The following EPS15L1 variants were observed in gnomAD, a reference collection of about 807,000 sequenced individuals.
The protein encoded by EPS15L1 is epidermal growth factor receptor substrate 15-like 1.
EPS15L1 carries 43 observed loss-of-function variants against 117.1 expected under a neutral mutation model. The observed-to-expected ratio is 0.37, with a 90% CI of 0.29 to 0.47. The LOEUF (loss-of-function observed/expected upper bound fraction) is 0.47. EPS15L1 is among the 20% of genes least tolerant of loss of function. The pLI is 0.99. For missense variants in EPS15L1, 981 were observed against 1,164.0 expected, an observed-to-expected ratio of 0.84 and a Z score of 2.29; for synonymous variants, 459 against 470.5, an observed-to-expected ratio of 0.98 and a Z score of 0.32.
intron 22 of EPS15L1, among the ~76,000 whole-genome samples, chr19:16,376,699 C>A (rs2092299969): frequency 6.6e-6 from 1 of 152,248 alleles, no homozygotes; most frequent in Admixed American, 6.5e-5. Context: ...CAGGCCCTCC[C>A]TGAGCACGGA....
Position 16,381,418 on chromosome 19 carries a change from C to T in EPS15L1, c.2247+3711G>A, listed in dbSNP as rs1459760113. 1.3e-5 allele frequency among the ~76,000 whole-genome samples: 2 copies of T among 152,242 alleles called. 1 individual carries two copies. The highest frequency in any genetic ancestry group is 4.1e-4 in the South Asian group (2 of 4,830). ...AGGGCCTCGTCCTGGGCAGACTGTCCTGCCCAGGCTGGAACCCCAACCCTG... is the reference window on the plus strand; with the variant it reads ...AGGGCCTCGTCCTGGGCAGACTGTCTTGCCCAGGCTGGAACCCCAACCCTG... On this transcript the variant is annotated intron_variant, in intron 21 of 23. Transcript: ENST00000455140. The surrounding 1 kb of genome is among the most constrained non-coding windows in gnomAD (Gnocchi z 4.2).
At chr19:16,386,035 C>A (rs966536735) in intron 20 of EPS15L1, 136 bp downstream of exon 20, 2 of 702,580 alleles carry the variant, frequency 2.8e-6, no homozygotes, top group Non-Finnish European at 5.0e-6. Context: ...TGGGCTCAGG[C>A]CAGGATCTGG....
intron 6 of EPS15L1, chr19:16,436,641 A>G (rs1207192711): frequency 3.1e-6 from 1 of 321,116 alleles, no homozygotes; most frequent in African/African-American, 2.1e-5. Flanking sequence ...TGACCTAAAG[A>G]TGCAAGATTT....
At chr19:16,362,757 G>A (rs2092075531) in intron 22 of EPS15L1, among the ~76,000 whole-genome samples, 2 of 151,862 alleles carry the variant, frequency 1.3e-5, no homozygotes, top group Admixed American at 6.6e-5. Context: ...TCATCTGCCC[G>A]CCTCAGCCTC....
chr19:16,424,782 T>G (rs1223531719), intron 9 of EPS15L1, among the ~76,000 whole-genome samples: 1 of 152,012 alleles, frequency 6.6e-6, no homozygotes, highest in Non-Finnish European at 1.5e-5. Context: ...TGCCTCAGCC[T>G]CCCGAGTGGC....
intron 1 of EPS15L1, among the ~76,000 whole-genome samples, chr19:16,455,085 C>T (rs564090603): frequency 2.6e-5 from 4 of 151,854 alleles, no homozygotes; most frequent in African/African-American, 9.7e-5. Context: ...GCCAGGATCA[C>T]ATCATTGCAC....
chr19:16,420,821 C>T (rs1278730717), intron 10 of EPS15L1, among the ~76,000 whole-genome samples: 3 of 152,190 alleles, frequency 2.0e-5, no homozygotes, highest in Non-Finnish European at 2.9e-5. Flanking sequence ...GCCGACTCCT[C>T]GACTGGGCTC....
chr19:16,419,225 G>A (rs1212088586), intron 10 of EPS15L1, among the ~76,000 whole-genome samples: 1 of 152,246 alleles, frequency 6.6e-6, no homozygotes, highest in Non-Finnish European at 1.5e-5. Flanking sequence ...TTTGGGAGCT[G>A]AGGCGGGCAG....
At chr19:16,386,253 A>G in intron 19 of EPS15L1, 22 bp from the exon 20 acceptor site, 2 of 1,600,958 alleles carry the variant, frequency 1.2e-6, no homozygotes, top group Non-Finnish European at 1.7e-6. Flanking sequence ...GAGAGAGGAA[A>G]GAGTAAAAAG....
chr19:16,387,112 T>A (rs2092428237), intron 19 of EPS15L1, among the ~76,000 whole-genome samples: 1 of 152,002 alleles, frequency 6.6e-6, no homozygotes, highest in Admixed American at 6.6e-5. Context: ...AAAAGGAAAA[T>A]ACACTTAAAA....
In EPS15L1 at chr19:16,471,823, T is replaced by C; in HGVS notation, c.33+90A>G. On this transcript the variant is annotated intron_variant, in intron 1 of 23. Transcript: ENST00000455140. This position sits in a 1 kb window ranked among gnomAD's most constrained non-coding sequence, Gnocchi z 4.8. ...AGCACGCGCCGCCCCCGCCGCCGCC[T>C]GGCTGAGTCTCCCAGCGCCTCAGCC... is the stretch of plus-strand genomic sequence containing the variant. 2.4e-6 allele frequency: 1 copy of C among 408,594 alleles called. No individual in the cohort carries two copies. The highest frequency in any genetic ancestry group is 3.5e-6 in the Non-Finnish European group (1 of 286,324). The allele number at this position is 408,594 out of a possible 1,614,324, so 25.3% of individuals were successfully genotyped here.
Position 16,405,850 on chromosome 19 carries a change from CTGTCTT to C in EPS15L1, c.1267-1107_1267-1102del, listed in dbSNP as rs1314246080. Among the ~76,000 whole-genome samples, 1 of 152,246 alleles carries C rather than the reference CTGTCTT, an allele frequency of 6.6e-6. No homozygotes were observed. The highest frequency in any genetic ancestry group is 1.5e-5 in the Non-Finnish European group (1 of 68,052). ...ATTTTCAACCACGCAAATGCATTAT[CTGTCTT>C]TAAGATAAATAACCAAAGCTGAAAT... On this transcript the variant is annotated intron_variant, in intron 13 of 23. Coordinates refer to ENST00000455140, the MANE Select transcript of EPS15L1 (RefSeq NM_001258374.3). This position sits in a 1 kb window ranked among gnomAD's most constrained non-coding sequence, Gnocchi z 4.0.
chr19:16,417,711 C>T (rs543884284), intron 11 of EPS15L1, 74 bp from the exon 12 acceptor site: 11 of 1,340,008 alleles, frequency 8.2e-6, no homozygotes, highest in East Asian at 6.9e-5. Context: ...CAGCAGTTCT[C>T]GGGCCCAGGG....
At chr19:16,413,134 C>T (rs1385484971) in intron 13 of EPS15L1, 8 of 668,214 alleles carry the variant, frequency 1.2e-5, no homozygotes, top group Admixed American at 4.0e-5. Flanking sequence ...TCCAAGGAGG[C>T]GGCCACTGCC....
At chr19:16,400,350 C>CAA (rs2092587015) in intron 16 of EPS15L1, among the ~76,000 whole-genome samples, 1 of 128,860 alleles carries the variant, frequency 7.8e-6, no homozygotes, top group South Asian at 2.5e-4. Flanking sequence ...AAAAAAAAAA[C>CAA]AAAAACAAAA....
At chr19:16,373,947 T>G (rs947451099) in intron 22 of EPS15L1, among the ~76,000 whole-genome samples, 5 of 152,270 alleles carry the variant, frequency 3.3e-5, no homozygotes, top group African/African-American at 1.2e-4. Flanking sequence ...AGAATTTTTC[T>G]GTTCAGCCAT....
At chr19:16,376,354 G>A (rs2092295154) in intron 22 of EPS15L1, among the ~76,000 whole-genome samples, 1 of 152,346 alleles carries the variant, frequency 6.6e-6, no homozygotes, top group East Asian at 1.9e-4. Context: ...TTGAGAGTCT[G>A]GCCAACTGGC....
intron 19 of EPS15L1, among the ~76,000 whole-genome samples, chr19:16,388,509 A>T (rs1219498440): frequency 6.6e-6 from 1 of 152,174 alleles, no homozygotes; most frequent in Admixed American, 6.5e-5. Context: ...CACCTATTAC[A>T]TACAGGATAA....
intron 23 of EPS15L1, among the ~76,000 whole-genome samples, chr19:16,359,662 A>G (rs2092025611): frequency 1.3e-5 from 2 of 152,154 alleles, no homozygotes; most frequent in African/African-American, 4.8e-5. Flanking sequence ...GAGTTCAAAG[A>G]CCAGACTGGG....
Sources: gnomAD v4.1 joint callset for allele counts (sites outside exome capture counted in the v4.1 genomes callset) on GRCh38, gnomAD v4.1.1 for gene constraint, Gnocchi (gnomAD v3.1) non-coding constraint, MANE v1.5 for transcripts, NCBI Gene and HGNC (gene_info 2026-07-23, HGNC 2026-07-21) for gene names.